TBC1D1: variants seen among roughly 807,000 people sequenced by gnomAD.
TBC1D1 encodes TBC1 (tre-2/USP6, BUB2, cdc16) domain family, member 1.
A neutral mutation model predicts 125.6 loss-of-function variants in TBC1D1; 89 were observed. The observed-to-expected ratio is 0.71, with a 90% CI of 0.60 to 0.85. The LOEUF (loss-of-function observed/expected upper bound fraction) is 0.85. Ranked by LOEUF, TBC1D1 falls within the 40% of genes least tolerant of loss-of-function variation. The pLI, the probability that TBC1D1 is intolerant of heterozygous loss-of-function variation, is 0.00. For synonymous variants in TBC1D1, 565 were observed against 564.1 expected, an observed-to-expected ratio of 1.00 and a Z score of -0.02; for missense variants, 1,377 against 1,469.2, an observed-to-expected ratio of 0.94 and a Z score of 1.03.
chr4:38,045,810 T>C lies in TBC1D1; in HGVS notation c.1543-7T>C, dbSNP rs1234243434. ...AGTCATAACTCGACTGCCTTTTCTT[T>C]ATGTAGGGTAATAAAGCCAGAGGCC... is the stretch of plus-strand genomic sequence containing the variant. On this transcript the variant is annotated splice_polypyrimidine_tract_variant and splice_region_variant and intron_variant, in intron 9 of 19. Coordinates refer to ENST00000261439, the MANE Select transcript of TBC1D1 (RefSeq NM_015173.4). The C allele has an allele frequency of 1.2e-6, 2 of 1,613,588 alleles. No individual in the cohort carries two copies. The highest frequency in any genetic ancestry group is 1.7e-6 in the Non-Finnish European group (2 of 1,179,494).
chr4:37,982,759 C>G (rs4832976), intron 2 of TBC1D1, among the ~76,000 whole-genome samples: 58,785 of 152,160 alleles, frequency 0.39, 12,378 homozygotes, highest in East Asian at 0.87. Context: ...ATTCTTTAAT[C>G]TGATTTTAAC....
chr4:38,118,084 T>C lies in TBC1D1; in HGVS notation c.2854T>C (p.Tyr952His). The C allele has an allele frequency of 6.2e-7, 1 of 1,614,214 alleles. No individual in the cohort carries two copies. Residue 952 changes from tyrosine to histidine, a missense_variant, in exon 17 of 20, where the codon TAC becomes CAC. By Grantham distance (83) the Tyr-to-His change is moderately conservative. This residue lies in a region of TBC1D1 where 543 missense variants were observed against 613.5 expected (regional missense o/e 0.89). Coordinates refer to ENST00000261439, the MANE Select transcript of TBC1D1 (RefSeq NM_015173.4). Reference sequence around the variant, plus strand: ...GCTTCATGATTACCACAGAGACCTCTACAATCACCTGGAGGAGCACGAGAT... The same window carrying C: ...GCTTCATGATTACCACAGAGACCTCCACAATCACCTGGAGGAGCACGAGAT...
intron 11 of TBC1D1, among the ~76,000 whole-genome samples, chr4:38,050,618 A>C (rs1284077822): frequency 6.6e-6 from 1 of 152,216 alleles, no homozygotes; most frequent in East Asian, 1.9e-4. Context: ...ATCTTTAAAA[A>C]CAACTTTAAA....
At chr4:37,948,322 T>G (rs1450207808) in intron 2 of TBC1D1, among the ~76,000 whole-genome samples, 1 of 152,132 alleles carries the variant, frequency 6.6e-6, no homozygotes, top group Non-Finnish European at 1.5e-5. Context: ...TTAATTCACA[T>G]ACCATAAAAT....
intron 2 of TBC1D1, among the ~76,000 whole-genome samples, chr4:37,924,765 A>G (rs568790165): frequency 6.6e-6 from 1 of 152,254 alleles, no homozygotes; most frequent in East Asian, 1.9e-4. Flanking sequence ...TTGCTTATCC[A>G]TGTATCTGTC....
chr4:38,037,175 T>A (rs1747376313), intron 8 of TBC1D1, among the ~76,000 whole-genome samples: 1 of 152,022 alleles, frequency 6.6e-6, no homozygotes, highest in African/African-American at 2.4e-5. Context: ...GCATTTATGG[T>A]GAATGGAAAG....
At chr4:37,940,467 G>A (rs139081304) in intron 2 of TBC1D1, among the ~76,000 whole-genome samples, 2,648 of 152,162 alleles carry the variant, frequency 0.017, 89 homozygotes, top group African/African-American at 0.06. Context: ...TGTCATCTGC[G>A]AACAGGGACA....
rs1302207070 is a variant in TBC1D1, at chr4:38,103,018, A to C, written c.2418A>C (p.Arg806=). The change falls in exon 15 of 20, where the codon CGA becomes CGC. Residue 806 remains arginine, a synonymous_variant. Coordinates refer to ENST00000261439, the MANE Select transcript of TBC1D1 (RefSeq NM_015173.4). ...TTAAAGGTGTGCCACGTCATCACCG[A>C]GGTGAAATCTGGAAATTTCTAGCTG... is the stretch of plus-strand genomic sequence containing the variant. 1.2e-6 allele frequency: 2 copies of C among 1,614,036 alleles called. No homozygotes were observed. Among genetic ancestry groups the C allele is most frequent in the East Asian group, 4.5e-5 (2 of 44,898 alleles).
At chr4:37,955,850 G>T (rs1275254364) in intron 2 of TBC1D1, among the ~76,000 whole-genome samples, 1 of 152,008 alleles carries the variant, frequency 6.6e-6, no homozygotes, top group Non-Finnish European at 1.5e-5. Context: ...AATACATATT[G>T]TCAGGGCTGG....
At chr4:38,104,939 T>C (rs531616301) in intron 15 of TBC1D1, among the ~76,000 whole-genome samples, 8 of 152,136 alleles carry the variant, frequency 5.3e-5, no homozygotes, top group African/African-American at 1.4e-4. Flanking sequence ...GTATTTTTAG[T>C]AGAGACGGGG....
chr4:38,113,270 G>A (rs979470516), intron 15 of TBC1D1, among the ~76,000 whole-genome samples: 1 of 152,148 alleles, frequency 6.6e-6, no homozygotes, highest in Non-Finnish European at 1.5e-5. Context: ...ACACACACCC[G>A]TGAAGCCAGC....
At chr4:37,946,408 A>G (rs545030115) in intron 2 of TBC1D1, among the ~76,000 whole-genome samples, 43 of 152,374 alleles carry the variant, frequency 2.8e-4, no homozygotes, top group Non-Finnish European at 6.0e-4. Flanking sequence ...GTCGTTATAC[A>G]TCATATGCAT....
intron 2 of TBC1D1, among the ~76,000 whole-genome samples, chr4:37,991,612 G>A (rs2152387954): frequency 6.6e-6 from 1 of 150,638 alleles, no homozygotes; most frequent in South Asian, 2.1e-4. Context: ...GGAAATGTGG[G>A]CACTGGCAGC....
intron 2 of TBC1D1, among the ~76,000 whole-genome samples, chr4:38,001,558 G>A (rs1037104014): frequency 1.3e-5 from 2 of 152,164 alleles, no homozygotes; most frequent in African/African-American, 4.8e-5. Flanking sequence ...GGCAACCAGT[G>A]CCAATCCTAA....
chr4:38,094,522 G>T (rs1315045641), intron 13 of TBC1D1, among the ~76,000 whole-genome samples: 1 of 152,148 alleles, frequency 6.6e-6, no homozygotes, highest in African/African-American at 2.4e-5. Flanking sequence ...TGCACCATCT[G>T]CCTTGGTTGA....
intron 8 of TBC1D1, among the ~76,000 whole-genome samples, chr4:38,037,648 G>A (rs1344583419): frequency 6.6e-6 from 1 of 152,208 alleles, no homozygotes. Context: ...GTGGGAAGAT[G>A]TGACATAGAC....
At chr4:37,908,856 A>G (rs757681660) in intron 2 of TBC1D1, among the ~76,000 whole-genome samples, 4 of 152,222 alleles carry the variant, frequency 2.6e-5, no homozygotes, top group African/African-American at 4.8e-5. Context: ...GAAACAGAGC[A>G]GCTGCGTGGG....
At chr4:38,117,935 A>G (rs1351263319) in intron 16 of TBC1D1, 98 bp from the exon 19 acceptor site, 7 of 1,083,962 alleles carry the variant, frequency 6.5e-6, no homozygotes, top group Non-Finnish European at 9.5e-6. Context: ...TTAAAGTTCT[A>G]GTAAGTCTTC....
rs1252933609 is a variant in TBC1D1, at chr4:37,977,235, C to T, written c.418-37274C>T. On this transcript the variant is annotated intron_variant, in intron 2 of 19. Coordinates refer to ENST00000261439, the MANE Select transcript of TBC1D1 (RefSeq NM_015173.4). The surrounding 1 kb of genome is among the most constrained non-coding windows in gnomAD (Gnocchi z 4.3). ...TGGGCGGGGTCGGCTGCGCGCCCTC[C>T]CCTCCTCTCCCCTCCTCCCCCCGCC... 1.3e-5 allele frequency: 2 copies of T among 150,084 alleles called. No homozygotes were observed. The highest frequency in any genetic ancestry group is 4.9e-5 in the African/African-American group (2 of 40,962). The allele number at this position is 150,084 out of a possible 1,614,324, so 9.3% of individuals were successfully genotyped here.
Sources: gnomAD v4.1 joint callset for allele counts (sites outside exome capture counted in the v4.1 genomes callset) on GRCh38, gnomAD v4.1.1 for gene constraint, gnomAD v4.1.1 regional missense constraint, Gnocchi (gnomAD v3.1) non-coding constraint, MANE v1.5 for transcripts, NCBI Gene and HGNC (gene_info 2026-07-23, HGNC 2026-07-21) for gene names.